STIM1: variants seen among roughly 807,000 people sequenced by gnomAD.
The protein encoded by STIM1 is stromal interaction molecule 1.
A neutral mutation model predicts 74.7 loss-of-function variants in STIM1; 25 were observed. The observed-to-expected ratio is 0.33, with a 90% CI of 0.24 to 0.47. STIM1 has a LOEUF of 0.47. Ranked by LOEUF, STIM1 falls within the 20% of genes least tolerant of loss-of-function variation. The probability of loss-of-function intolerance (pLI) is 1.00; values close to 1 mark genes in which losing one functional copy is unlikely to be tolerated. For missense variants in STIM1, 728 were observed against 920.8 expected (o/e 0.79, Z 2.71); for synonymous variants, 328 against 348.8 (o/e 0.94, Z 0.66).
chr11:3,861,173 T>C (rs987902408), intron 1 of STIM1, among the ~76,000 whole-genome samples: 11 of 151,896 alleles, frequency 7.2e-5, no homozygotes, highest in Admixed American at 2.0e-4. Flanking sequence ...GTTGGCTAGC[T>C]ACCTCACATG....
chr11:3,877,581 G>GAACCGGAA (rs2135302898), intron 1 of STIM1, among the ~76,000 whole-genome samples: 2 of 152,316 alleles, frequency 1.3e-5, no homozygotes, highest in Admixed American at 1.3e-4. Context: ...TTCCGGATCA[G>GAACCGGAA]TTGTAAATTC....
chr11:3,903,785 GGT>G (rs747016608), intron 1 of STIM1, among the ~76,000 whole-genome samples: 1 of 152,142 alleles, frequency 6.6e-6, no homozygotes, highest in Non-Finnish European at 1.5e-5. Flanking sequence ...AGTGGGTTGG[GGT>G]GCAGAGATGT....
At chr11:4,038,793 T>C (rs914042154) in intron 3 of STIM1, among the ~76,000 whole-genome samples, 6 of 152,182 alleles carry the variant, frequency 3.9e-5, no homozygotes, top group African/African-American at 1.4e-4. Context: ...TATGTATCTT[T>C]CACTTGGTTC....
Position 4,092,119 on chromosome 11 carries a change from T to C in STIM1, c.*321T>C. The C allele has an allele frequency of 2.4e-6, 1 of 423,578 alleles. No individual in the cohort carries two copies. Among genetic ancestry groups the C allele is most frequent in the East Asian group, 4.8e-5 (1 of 20,838 alleles). 26.2% of individuals were successfully genotyped at this position (423,578 alleles called of 1,614,324 possible). ...TCTGGGGTTCAGCTTCTGTCTCTGC[T>C]GTCCCAGTTTTGAGGTTTGGTTTCT... On this transcript the variant is annotated 3_prime_UTR_variant, in exon 13 of 13. Transcript: ENST00000526596.
At chr11:3,893,549 G>A (rs1010570621) in intron 1 of STIM1, among the ~76,000 whole-genome samples, 36 of 152,254 alleles carry the variant, frequency 2.4e-4, no homozygotes, top group African/African-American at 8.4e-4. Flanking sequence ...GCAGAGCCTG[G>A]TGCATGAATA....
chr11:3,940,474 C>T (rs1465619664), intron 1 of STIM1, among the ~76,000 whole-genome samples: 1 of 152,032 alleles, frequency 6.6e-6, no homozygotes, highest in African/African-American at 2.4e-5. Flanking sequence ...TAACATAATT[C>T]TCTGAACTAC....
chr11:3,869,892 GA>G (rs2091015099), intron 1 of STIM1, among the ~76,000 whole-genome samples: 4 of 152,186 alleles, frequency 2.6e-5, no homozygotes, highest in Admixed American at 2.0e-4. Context: ...GTAGGACTCA[GA>G]GTTTAAATGT....
intron 2 of STIM1, among the ~76,000 whole-genome samples, chr11:3,974,982 T>A (rs1288302656): frequency 6.6e-6 from 1 of 152,198 alleles, no homozygotes; most frequent in East Asian, 1.9e-4. Context: ...AATCAGGGCA[T>A]TTATTCAGTC....
At chr11:4,030,981 A>G (rs192014190) in intron 3 of STIM1, among the ~76,000 whole-genome samples, 1 of 152,214 alleles carries the variant, frequency 6.6e-6, no homozygotes, top group Non-Finnish European at 1.5e-5. Context: ...CATGTATACA[A>G]TTGTGAAACC....
intron 1 of STIM1, chr11:3,903,420 G>A (rs2092397762): frequency 3.9e-5 from 6 of 152,222 alleles, no homozygotes; most frequent in Non-Finnish European, 8.8e-5. Context: ...CATCCCAGTT[G>A]CTTTGGAAGA....
At chr11:3,913,334 G>A (rs2135488684) in intron 1 of STIM1, among the ~76,000 whole-genome samples, 1 of 151,810 alleles carries the variant, frequency 6.6e-6, no homozygotes, top group Non-Finnish European at 1.5e-5. Flanking sequence ...ACCACAGATG[G>A]GCACTACCAT....
At chr11:3,894,306 A>C (rs868618910) in intron 1 of STIM1, among the ~76,000 whole-genome samples, 5 of 152,184 alleles carry the variant, frequency 3.3e-5, no homozygotes, top group Admixed American at 1.3e-4. Context: ...TCTTACAACA[A>C]AAAGGGCCCC....
At chr11:3,883,635 G>A (rs2091601183) in intron 1 of STIM1, among the ~76,000 whole-genome samples, 1 of 152,238 alleles carries the variant, frequency 6.6e-6, no homozygotes, top group African/African-American at 2.4e-5. Flanking sequence ...TTACAGGCAT[G>A]AGGCACCACA....
chr11:3,866,513 G>A (rs1013444714), intron 1 of STIM1, among the ~76,000 whole-genome samples: 4 of 149,420 alleles, frequency 2.7e-5, no homozygotes, highest in African/African-American at 4.9e-5. Context: ...TGCAACTTCC[G>A]CCTCCTGGGT....
intron 2 of STIM1, among the ~76,000 whole-genome samples, chr11:4,020,512 T>A (rs185219785): frequency 4.3e-4 from 65 of 152,336 alleles, no homozygotes; most frequent in Admixed American, 3.5e-3. Flanking sequence ...TGAGATGATA[T>A]CTCATTGTGG....
chr11:4,037,018 A>C (rs1302474015), intron 3 of STIM1, among the ~76,000 whole-genome samples: 1 of 150,142 alleles, frequency 6.7e-6, no homozygotes, highest in African/African-American at 2.4e-5. Context: ...TCAATTTTCC[A>C]CCTACTTGTT....
chr11:4,045,092 C>T (rs1255950469), intron 3 of STIM1, among the ~76,000 whole-genome samples: 1 of 152,082 alleles, frequency 6.6e-6, no homozygotes, highest in Non-Finnish European at 1.5e-5. Context: ...TTCTGCATGC[C>T]AAGATTCTAT....
In STIM1 at chr11:4,039,585, C is replaced by CA. The variant is rs549132163; in HGVS notation, c.385+15618dup. Among the ~76,000 whole-genome samples, 163 of 54,396 alleles carry CA rather than the reference C, an allele frequency of 3.0e-3. 4 individuals are homozygous for CA. Among genetic ancestry groups the CA allele is most frequent in the Middle Eastern group, 0.015 (1 of 66 alleles). The allele number at this position is 54,396 out of a possible 152,430, so 35.7% of individuals were successfully genotyped here. On this transcript the variant is annotated intron_variant, in intron 3 of 12. Coordinates refer to ENST00000526596, the MANE Select transcript of STIM1 (RefSeq NM_001382567.1). ...TGGGCAACAGAGTAAGACTCCATCT[C>CA]AAAAAAAAAAAAAAAAAAAACGAAA...
chr11:4,048,033 A>G (rs1200507600), intron 3 of STIM1, among the ~76,000 whole-genome samples: 1 of 151,958 alleles, frequency 6.6e-6, no homozygotes, highest in Non-Finnish European at 1.5e-5. Context: ...GTTGGCCAGG[A>G]TGATCTCGAT....
Sources: gnomAD v4.1 joint callset for allele counts (sites outside exome capture counted in the v4.1 genomes callset) on GRCh38, gnomAD v4.1.1 for gene constraint, MANE v1.5 for transcripts, NCBI Gene and HGNC (gene_info 2026-07-23, HGNC 2026-07-21) for gene names.